ASIC2: variants seen among roughly 807,000 people sequenced by gnomAD.
The protein encoded by ASIC2 is acid-sensing ion channel 2.
A neutral mutation model predicts 57.3 loss-of-function variants in ASIC2; 25 were observed. The observed-to-expected ratio is 0.44, with a 90% CI of 0.32 to 0.61. The LOEUF (loss-of-function observed/expected upper bound fraction) is 0.61, where lower values mean the gene tolerates loss of function less well. Ranked by LOEUF, ASIC2 falls within the 20% of genes least tolerant of loss-of-function variation. ASIC2 has a pLI of 0.06. For missense variants in ASIC2, 641 were observed against 738.1 expected, an observed-to-expected ratio of 0.87 and a Z score of 1.52; for synonymous variants, 319 against 307.5, an observed-to-expected ratio of 1.04 and a Z score of -0.39.
chr17:33,783,933 C>T (rs1035030378), intron 1 of ASIC2, among the ~76,000 whole-genome samples: 3 of 152,200 alleles, frequency 2.0e-5, no homozygotes, highest in Non-Finnish European at 2.9e-5. Flanking sequence ...TACGCCATAC[C>T]GTCTCCAGAG....
At chr17:33,621,759 C>G (rs1905807854) in intron 1 of ASIC2, among the ~76,000 whole-genome samples, 1 of 152,172 alleles carries the variant, frequency 6.6e-6, no homozygotes, top group Non-Finnish European at 1.5e-5. Context: ...GTTCAAACGT[C>G]TTCTAATTAT....
chr17:34,021,337 A>T (rs1450028710), intron 1 of ASIC2, among the ~76,000 whole-genome samples: 1 of 151,966 alleles, frequency 6.6e-6, no homozygotes, highest in African/African-American at 2.4e-5. Context: ...CTAGACTTCA[A>T]TCTCTCTGGA....
At chr17:33,525,689 G>A (rs1597765660) in intron 1 of ASIC2, among the ~76,000 whole-genome samples, 1 of 152,222 alleles carries the variant, frequency 6.6e-6, no homozygotes, top group East Asian at 1.9e-4. Context: ...AATAGCAGAA[G>A]GTCAAGTGTC....
intron 1 of ASIC2, among the ~76,000 whole-genome samples, chr17:33,163,760 G>A (rs1432227664): frequency 6.6e-6 from 1 of 152,192 alleles, no homozygotes; most frequent in African/African-American, 2.4e-5. Flanking sequence ...TATATCCGAT[G>A]ATGTTAAGTG....
chr17:33,321,339 G>A (rs1465388320), intron 1 of ASIC2, among the ~76,000 whole-genome samples: 2 of 152,096 alleles, frequency 1.3e-5, no homozygotes, highest in African/African-American at 4.8e-5. Context: ...AAGATAGAGG[G>A]GACCATTTAA....
At chr17:34,087,130 C>A (rs184758607) in intron 1 of ASIC2, among the ~76,000 whole-genome samples, 4 of 151,788 alleles carry the variant, frequency 2.6e-5, no homozygotes, top group African/African-American at 7.3e-5. Context: ...GTTTCTTCCT[C>A]GTCTCGATGG....
chr17:33,145,470 C>T (rs1490251231), intron 1 of ASIC2, among the ~76,000 whole-genome samples: 2 of 152,224 alleles, frequency 1.3e-5, no homozygotes, highest in Non-Finnish European at 2.9e-5. Context: ...CTTTCCTTGC[C>T]CAGCCCTAGA....
At chr17:33,040,469 C>A (rs1194236685) in intron 3 of ASIC2, among the ~76,000 whole-genome samples, 3 of 152,184 alleles carry the variant, frequency 2.0e-5, no homozygotes, top group Non-Finnish European at 4.4e-5. Flanking sequence ...GGGGTCTGGA[C>A]CAGATAGTTT....
rs1335941670 is a variant in ASIC2 at position 33,023,962 on chromosome 17, G to A, written c.1248C>T (p.Asn416=). 6.2e-7 allele frequency: 1 copy of A among 1,614,074 alleles called. No individual in the cohort carries two copies. The highest frequency in any genetic ancestry group is 8.5e-7 in the Non-Finnish European group (1 of 1,180,046). Residue 416 remains asparagine, a synonymous_variant, in exon 6 of 10, where the codon AAC becomes AAT. Transcript: ENST00000225823. ...SNYCLCRTPC[N]LTRYNKELSM... ...AGAGCTCTTTGTTGTAGCGGGTTAG[G>A]TTGCAGGGTGTCCTGCAGAGACAGT...
intron 1 of ASIC2, among the ~76,000 whole-genome samples, chr17:33,821,460 T>G (rs1258978394): frequency 6.6e-6 from 1 of 152,164 alleles, no homozygotes; most frequent in Non-Finnish European, 1.5e-5. Flanking sequence ...GATCTCAGAC[T>G]TTCTGGGCTG....
chr17:33,837,491 TG>T (rs1738493935), intron 1 of ASIC2, among the ~76,000 whole-genome samples: 1 of 152,220 alleles, frequency 6.6e-6, no homozygotes, highest in Non-Finnish European at 1.5e-5. Flanking sequence ...AATTAACCAA[TG>T]TAAGCACAAT....
rs548542051 is a variant in ASIC2, at chr17:34,076,164, G to A, written c.555+79814C>T. 1.8e-3 allele frequency among the ~76,000 whole-genome samples: 277 copies of A among 152,056 alleles called. 3 individuals carry two copies. The highest frequency in any genetic ancestry group is 6.3e-3 in the African/African-American group (260 of 41,488). ...ACTACAGGTGCCTGCCACCATGCCT[G>A]GCTAATTTTTTCGTATTTTTAATAG... On this transcript the variant is annotated intron_variant, in intron 1 of 9. Coordinates refer to the ASIC2 transcript ENST00000359872.
At chr17:34,072,184 G>C (rs1473358087) in intron 1 of ASIC2, 1 of 152,316 alleles carries the variant, frequency 6.6e-6, no homozygotes, top group Non-Finnish European at 1.5e-5. Flanking sequence ...CTGGGGACGC[G>C]ATTGCTGCAT....
intron 1 of ASIC2, among the ~76,000 whole-genome samples, chr17:33,907,867 A>G (rs1278877943): frequency 6.6e-6 from 1 of 152,152 alleles, no homozygotes; most frequent in Non-Finnish European, 1.5e-5. Flanking sequence ...GCTCAATTCA[A>G]CAAGCATTTA....
At position 33,776,065 on chromosome 17, in the gene ASIC2, G is replaced by A. The variant is rs537146268; in HGVS notation, c.555+379913C>T. On this transcript the variant is annotated intron_variant, in intron 1 of 9. Transcript: ENST00000359872. ...GGAGAATAGCTTGAACCAGGGAGGC[G>A]GAGGTTGCGGTGAGTCAAGATCATG... Among the ~76,000 whole-genome samples the A allele has an allele frequency of 1.4e-4, 21 of 151,276 alleles. No individual in the cohort carries two copies. The South Asian group carries it at 4.0e-3, about 29-fold the overall frequency.
At chr17:33,171,664 C>A (rs1288832919) in intron 1 of ASIC2, among the ~76,000 whole-genome samples, 1 of 152,306 alleles carries the variant, frequency 6.6e-6, no homozygotes, top group African/African-American at 2.4e-5. Flanking sequence ...CTTCAAAACA[C>A]AAATCTGATC....
At chr17:33,921,706 T>C (rs1156564106) in intron 1 of ASIC2, among the ~76,000 whole-genome samples, 1 of 152,152 alleles carries the variant, frequency 6.6e-6, no homozygotes, top group African/African-American at 2.4e-5. Context: ...TAAAGATCCT[T>C]GTGCAAAATG....
intron 1 of ASIC2, among the ~76,000 whole-genome samples, chr17:33,886,141 A>G (rs956218384): frequency 3.3e-5 from 5 of 152,218 alleles, no homozygotes; most frequent in Admixed American, 2.0e-4. Context: ...CACTTATTCT[A>G]TCTTTACCTT....
At chr17:33,375,525 T>C (rs1909244363) in intron 1 of ASIC2, among the ~76,000 whole-genome samples, 1 of 152,196 alleles carries the variant, frequency 6.6e-6, no homozygotes, top group Non-Finnish European at 1.5e-5. Flanking sequence ...AGTGAGCAGA[T>C]ACGTGCCAGG....
Sources: gnomAD v4.1 joint callset for allele counts (sites outside exome capture counted in the v4.1 genomes callset) on GRCh38, gnomAD v4.1.1 for gene constraint, MANE v1.5 for transcripts, NCBI Gene and HGNC (gene_info 2026-07-23, HGNC 2026-07-21) for gene names.